PGM1: variants seen among roughly 807,000 people sequenced by gnomAD.
PGM1 encodes phosphoglucomutase 1.
In PGM1, 52 loss-of-function variants were observed where a neutral mutation model predicts 55.6. The ratio of observed to expected loss-of-function variants is 0.94; its 90% confidence interval spans 0.75 to 1.18. The LOEUF (loss-of-function observed/expected upper bound fraction) is 1.18, where lower values mean the gene tolerates loss of function less well. Ranked by LOEUF, PGM1 falls within the 50% of genes most tolerant of loss-of-function variation. The pLI, the probability that PGM1 is intolerant of heterozygous loss-of-function variation, is 0.00. For missense variants in PGM1, 724 were observed against 729.3 expected, an observed-to-expected ratio of 0.99 and a Z score of 0.08; for synonymous variants, 287 against 271.7, an observed-to-expected ratio of 1.06 and a Z score of -0.55.
At chr1:63,625,796 T>C (rs1227139331) in intron 1 of PGM1, among the ~76,000 whole-genome samples, 2 of 152,162 alleles carry the variant, frequency 1.3e-5, no homozygotes, top group Non-Finnish European at 2.9e-5. Context: ...TACATAGAGC[T>C]CTCTGCTTTT....
intron 7 of PGM1, among the ~76,000 whole-genome samples, chr1:63,640,344 A>G (rs758149433): frequency 3.3e-5 from 5 of 152,184 alleles, no homozygotes; most frequent in African/African-American, 4.8e-5. Flanking sequence ...TAGTTCCATG[A>G]GAGGGTTCTA....
chr1:63,598,964 A>G (rs569812174), intron 1 of PGM1, among the ~76,000 whole-genome samples: 4 of 152,154 alleles, frequency 2.6e-5, no homozygotes, highest in African/African-American at 9.7e-5. Context: ...CTTTCATGAG[A>G]TCCATCTGCA....
intron 7 of PGM1, among the ~76,000 whole-genome samples, chr1:63,646,559 G>A (rs1001091635): frequency 2.0e-5 from 3 of 152,142 alleles, no homozygotes; most frequent in African/African-American, 7.2e-5. Flanking sequence ...CTGGATCCAT[G>A]AGTAGGTCCA....
intron 4 of PGM1, among the ~76,000 whole-genome samples, chr1:63,632,837 C>T (rs1167046318): frequency 6.6e-6 from 1 of 152,034 alleles, no homozygotes. Flanking sequence ...ATGGTGAAAC[C>T]CCATCTCTAT....
At chr1:63,594,254 C>CTCCG in intron 1 of PGM1, 1 of 502,866 alleles carries the variant, frequency 2.0e-6, no homozygotes, top group Non-Finnish European at 2.6e-6. Context: ...CACTGTGGGG[C>CTCCG]AAGGGTGGCG....
chr1:63,612,588 C>T (rs1648598960), intron 1 of PGM1, among the ~76,000 whole-genome samples: 1 of 152,118 alleles, frequency 6.6e-6, no homozygotes, highest in South Asian at 2.1e-4. Flanking sequence ...TTACTCTCAC[C>T]ACTTTTCTAC....
chr1:63,596,555 C>T (rs1273326775), intron 1 of PGM1, among the ~76,000 whole-genome samples: 1 of 152,154 alleles, frequency 6.6e-6, no homozygotes, highest in Admixed American at 6.5e-5. Flanking sequence ...CTGCGCCTGG[C>T]CTATTCCCTA....
intron 1 of PGM1, among the ~76,000 whole-genome samples, chr1:63,594,731 C>G (rs181479160): frequency 6.3e-5 from 9 of 142,938 alleles, no homozygotes; most frequent in African/African-American, 2.6e-5. Context: ...CACCTGAGGT[C>G]AGGAGATCGA....
chr1:63,654,232 AAG>A, intron 9 of PGM1, 98 bp from the exon 10 acceptor site: 1 of 1,193,476 alleles, frequency 8.4e-7, no homozygotes, highest in Non-Finnish European at 1.2e-6. Flanking sequence ...TCCAATGAAC[AAG>A]TATGGATGAA....
rs373693932 is a variant in PGM1, at chr1:63,636,323, G to T, written c.963G>T (p.Pro321=). ...AVIAANIFSI[P]YFQQTGVRGF... ...TTGCTGCCAACATCTTCAGCATTCCGTATTTCCAGCAGACTGGGGTCCGCG... is the reference window on the plus strand; with the variant it reads ...TTGCTGCCAACATCTTCAGCATTCCTTATTTCCAGCAGACTGGGGTCCGCG... Residue 321 remains proline (P), a synonymous_variant, in exon 6 of 11, where the codon CCG becomes CCT. Coordinates refer to ENST00000371084, the MANE Select transcript of PGM1 (RefSeq NM_002633.3). 23 of 1,613,976 alleles carry T rather than the reference G, an allele frequency of 1.4e-5. No individual in the cohort carries two copies. The highest frequency in any genetic ancestry group is 1.9e-5 in the Non-Finnish European group (22 of 1,179,990).
At chr1:63,638,609 A>C in intron 6 of PGM1, 76 bp from the exon 7 acceptor site, 1 of 903,368 alleles carries the variant, frequency 1.1e-6, no homozygotes, top group East Asian at 2.4e-5. Context: ...TACAATAACG[A>C]TTGCCCTTTT....
At chr1:63,594,725 T>A (rs1261705086) in intron 1 of PGM1, among the ~76,000 whole-genome samples, 1 of 146,720 alleles carries the variant, frequency 6.8e-6, no homozygotes, top group African/African-American at 2.5e-5. Context: ...GTGGATCACC[T>A]GAGGTCAGGA....
At chr1:63,595,111 G>A (rs754300696) in intron 1 of PGM1, among the ~76,000 whole-genome samples, 27 of 152,026 alleles carry the variant, frequency 1.8e-4, no homozygotes, top group Non-Finnish European at 3.2e-4. Flanking sequence ...CTTCTGGAAC[G>A]CATCCCCTGA....
chr1:63,658,374 T>C (rs11803616), intron 10 of PGM1, among the ~76,000 whole-genome samples: 12,525 of 149,146 alleles, frequency 0.084, 692 homozygotes, highest in African/African-American at 0.15. Flanking sequence ...ATTGAAAGCA[T>C]TTATTAAGCA....
intron 7 of PGM1, among the ~76,000 whole-genome samples, chr1:63,646,830 GT>G (rs903877740): frequency 7.9e-5 from 12 of 152,120 alleles, no homozygotes; most frequent in African/African-American, 2.9e-4. Context: ...GTGTCTATGT[GT>G]ATTGTTTGGC....
At chr1:63,629,610 G>T (rs1466672044) in intron 2 of PGM1, 23 bp downstream of exon 2, 1 of 1,609,932 alleles carries the variant, frequency 6.2e-7, no homozygotes, top group Non-Finnish European at 8.5e-7. Flanking sequence ...TCATTTTGAG[G>T]ACAGGTAAGT....
At chr1:63,651,899 A>T in intron 9 of PGM1, 47 bp downstream of exon 9, 1 of 1,508,884 alleles carries the variant, frequency 6.6e-7, no homozygotes, top group Non-Finnish European at 9.2e-7. Context: ...TCAGAGCTTC[A>T]TCTCTGACAT....
At chr1:63,657,966 G>C (rs1650009461) in intron 10 of PGM1, among the ~76,000 whole-genome samples, 1 of 152,248 alleles carries the variant, frequency 6.6e-6, no homozygotes, top group Non-Finnish European at 1.5e-5. Context: ...GATTCAAAGA[G>C]TGAATGAAAT....
intron 7 of PGM1, among the ~76,000 whole-genome samples, chr1:63,642,572 T>G (rs1352445920): frequency 6.6e-6 from 1 of 152,212 alleles, no homozygotes; most frequent in South Asian, 2.1e-4. Context: ...GTGAAGTCAC[T>G]GAATAGTATA....
Sources: gnomAD v4.1 joint callset for allele counts (sites outside exome capture counted in the v4.1 genomes callset) on GRCh38, gnomAD v4.1.1 for gene constraint, MANE v1.5 for transcripts, NCBI Gene and HGNC (gene_info 2026-07-23, HGNC 2026-07-21) for gene names.